PHF2: variants seen among roughly 807,000 people sequenced by gnomAD.
PHF2 encodes PHD finger protein 2.
Under a neutral mutation model 120.5 loss-of-function variants are expected in PHF2, and 27 were observed. The ratio of observed to expected loss-of-function variants is 0.22; its 90% CI spans 0.17 to 0.31. The LOEUF is 0.31. Among genes scored for constraint, PHF2 ranks in the 10% least tolerant of loss-of-function variants. The probability of loss-of-function intolerance (pLI) is 1.00; values close to 1 mark genes in which losing one functional copy is unlikely to be tolerated. For missense variants in PHF2, 1,024 were observed against 1,434.8 expected (o/e 0.71, Z 4.63); for synonymous variants, 568 against 592.5 (o/e 0.96, Z 0.60).
intron 11 of PHF2, 144 bp from the exon 12 acceptor site, chr9:93,660,045 CATG>C (rs759752992): frequency 5.3e-5 from 50 of 949,620 alleles, no homozygotes; most frequent in Non-Finnish European, 7.3e-5. Context: ...GAGTGTGTCA[CATG>C]ATGGTGTGGG....
chr9:93,669,502 T>C lies in PHF2; in HGVS notation c.2348+2262T>C, dbSNP rs893142999. 2.6e-5 allele frequency among the ~76,000 whole-genome samples: 4 copies of C among 152,314 alleles called. No individual in the cohort carries two copies. The South Asian group carries it at 8.3e-4, about 32-fold the overall frequency. On this transcript the variant is annotated intron_variant, in intron 17 of 21. Transcript: ENST00000359246. Reference sequence around the variant, plus strand: ...AGTGCTTGAGGCTGACCATGCTTGATTTTCCCATTGTTGTGGCTTTCACAC... The same window carrying C: ...AGTGCTTGAGGCTGACCATGCTTGACTTTCCCATTGTTGTGGCTTTCACAC...
chr9:93,608,175 C>T (rs1372595027), intron 1 of PHF2, among the ~76,000 whole-genome samples: 2 of 151,960 alleles, frequency 1.3e-5, no homozygotes, highest in African/African-American at 4.8e-5. Context: ...TTCCTGATCT[C>T]AGTGGGAAAG....
chr9:93,595,411 A>C (rs1453825712), intron 1 of PHF2, among the ~76,000 whole-genome samples: 2 of 152,204 alleles, frequency 1.3e-5, no homozygotes, highest in African/African-American at 4.8e-5. Flanking sequence ...CAATATGAGG[A>C]GCCGCTTTCA....
intron 1 of PHF2, among the ~76,000 whole-genome samples, chr9:93,594,548 C>A (rs894979852): frequency 2.0e-5 from 3 of 152,178 alleles, no homozygotes; most frequent in Non-Finnish European, 4.4e-5. Flanking sequence ...AAGTGGGGAT[C>A]CCAGCTTGTG....
intron 14 of PHF2, among the ~76,000 whole-genome samples, chr9:93,664,739 T>G (rs961680007): frequency 6.6e-6 from 1 of 152,196 alleles, no homozygotes; most frequent in African/African-American, 2.4e-5. Context: ...GCTTCTAGGT[T>G]CCTGGGAAGC....
chr9:93,674,164 T>C (rs73523934), intron 18 of PHF2, among the ~76,000 whole-genome samples: 2,608 of 152,250 alleles, frequency 0.017, 34 homozygotes, highest in Middle Eastern at 0.044. Context: ...GGCGCCATCT[T>C]GCTTCCTCCT....
At chr9:93,669,670 C>T (rs1298414261) in intron 17 of PHF2, among the ~76,000 whole-genome samples, 4 of 152,218 alleles carry the variant, frequency 2.6e-5, no homozygotes, top group African/African-American at 7.2e-5. Context: ...CTGCCGGACC[C>T]TCAGAGAGCA....
chr9:93,639,676 G>T (rs756754690), intron 3 of PHF2, among the ~76,000 whole-genome samples: 2 of 152,148 alleles, frequency 1.3e-5, no homozygotes, highest in African/African-American at 2.4e-5. Context: ...CCACACCCAA[G>T]GGAGAGCTTC....
intron 1 of PHF2, among the ~76,000 whole-genome samples, chr9:93,621,885 G>A (rs1825833175): frequency 6.6e-6 from 1 of 152,184 alleles, no homozygotes; most frequent in Admixed American, 6.5e-5. Flanking sequence ...CTTTGGACAG[G>A]GCAGTTCCCT....
chr9:93,582,070 T>C (rs907361810), intron 1 of PHF2, among the ~76,000 whole-genome samples: 1 of 152,170 alleles, frequency 6.6e-6, no homozygotes, highest in African/African-American at 2.4e-5. Context: ...TCATGTTTGG[T>C]TCCCACGTCG....
intron 10 of PHF2, among the ~76,000 whole-genome samples, chr9:93,658,661 G>C (rs1018432998): frequency 6.6e-6 from 1 of 151,332 alleles, no homozygotes; most frequent in African/African-American, 2.4e-5. Context: ...GGGAAGGACT[G>C]GGGGAGTGGC....
chr9:93,618,844 G>GTCTGTGGGGTGTA (rs1564383259), intron 1 of PHF2, among the ~76,000 whole-genome samples: 1 of 1,700 alleles, frequency 5.9e-4, no homozygotes, highest in Admixed American at 7.2e-3. Flanking sequence ...TGGTGTGTGT[G>GTCTGTGGGGTGTA]TGTGCCTGTG....
intron 1 of PHF2, among the ~76,000 whole-genome samples, chr9:93,583,694 T>C (rs1862975850): frequency 1.3e-5 from 2 of 152,216 alleles, no homozygotes. Flanking sequence ...TTGTTGGCCA[T>C]TGGTATATCT....
intron 3 of PHF2, among the ~76,000 whole-genome samples, chr9:93,641,703 T>A (rs1177385536): frequency 1.3e-5 from 2 of 152,258 alleles, no homozygotes; most frequent in Non-Finnish European, 2.9e-5. Context: ...TACTTGTCCT[T>A]ACCAGACACT....
At chr9:93,641,085 G>A (rs10761247) in intron 3 of PHF2, among the ~76,000 whole-genome samples, 87,066 of 151,936 alleles carry the variant, frequency 0.57, 25,450 homozygotes, top group African/African-American at 0.63. Context: ...TTAAATCTCA[G>A]TTTTGTAGAG....
chr9:93,635,851 C>T (rs2131661947), intron 2 of PHF2, among the ~76,000 whole-genome samples: 1 of 152,120 alleles, frequency 6.6e-6, no homozygotes, highest in South Asian at 2.1e-4. Context: ...GTAGACAGGC[C>T]CAGGGTTGGC....
chr9:93,653,434 T>C, intron 6 of PHF2, 69 bp downstream of exon 6: 1 of 1,496,374 alleles, frequency 6.7e-7, no homozygotes, highest in Non-Finnish European at 9.1e-7. Flanking sequence ...TTGTCTGCAG[T>C]CCCCACAAGC....
intron 1 of PHF2, among the ~76,000 whole-genome samples, chr9:93,600,012 C>T (rs1392304630): frequency 1.3e-5 from 2 of 152,202 alleles, no homozygotes; most frequent in Non-Finnish European, 1.5e-5. Flanking sequence ...CCCCCAGCTC[C>T]ATGCAGCCTG....
In PHF2 at chr9:93,582,290, C is replaced by T. The variant is rs760764603; in HGVS notation, c.98+5419C>T. Among the ~76,000 whole-genome samples the T allele has an allele frequency of 4.6e-5, 7 of 152,168 alleles. No homozygotes were observed. The East Asian group carries it at 1.3e-3, about 29-fold the overall frequency. On this transcript the variant is annotated intron_variant, in intron 1 of 21. Coordinates refer to ENST00000359246, the MANE Select transcript of PHF2 (RefSeq NM_005392.4). ...TCTGGCTCAAGGGCCTGAGCAAATACCGGGGCTGATAACTGCTCGTGTCCA... is the reference window on the plus strand; with the variant it reads ...TCTGGCTCAAGGGCCTGAGCAAATATCGGGGCTGATAACTGCTCGTGTCCA...
Sources: gnomAD v4.1 joint callset for allele counts (sites outside exome capture counted in the v4.1 genomes callset) on GRCh38, gnomAD v4.1.1 for gene constraint, MANE v1.5 for transcripts, NCBI Gene and HGNC (gene_info 2026-07-23, HGNC 2026-07-21) for gene names.